The following IRF2 variants were observed in gnomAD, a reference collection of about 807,000 sequenced individuals.
IRF2 encodes the protein interferon regulatory factor 2.
In IRF2, 15 loss-of-function variants were observed where a neutral mutation model predicts 40.6. That is an observed-to-expected ratio of 0.37 (90% CI 0.25 to 0.57). The LOEUF is 0.57. Ranked by LOEUF, IRF2 falls within the 20% of genes least tolerant of loss-of-function variation. IRF2 has a pLI of 0.77. For synonymous variants in IRF2, 151 were observed against 165.5 expected, an observed-to-expected ratio of 0.91 and a Z score of 0.67; for missense variants, 317 against 455.7, an observed-to-expected ratio of 0.70 and a Z score of 2.77.
At position 184,387,736 on chromosome 4, in the gene IRF2, A is replaced by G. The variant is rs1247871820; in HGVS notation, c.*1022T>C. 4 of 152,548 alleles carry G rather than the reference A, an allele frequency of 2.6e-5. No individual in the cohort carries two copies. Among genetic ancestry groups the G allele is most frequent in the Non-Finnish European group, 5.9e-5 (4 of 68,028 alleles). The allele number at this position is 152,548 out of a possible 1,614,324, so 9.4% of individuals were successfully genotyped here. Reference sequence around the variant, plus strand: ...AGTGATGCCCCTTAAAAATTTAACTATATATCATATTCATTTATTATCAAT... The same window carrying G: ...AGTGATGCCCCTTAAAAATTTAACTGTATATCATATTCATTTATTATCAAT... On this transcript the variant is annotated 3_prime_UTR_variant, in exon 9 of 9. Transcript: ENST00000393593.
At chr4:184,429,161 T>G in intron 1 of IRF2, 91 bp from the exon 2 acceptor site, 2 of 792,348 alleles carry the variant, frequency 2.5e-6, no homozygotes, top group Middle Eastern at 3.2e-4. Context: ...ACTCTTTCCT[T>G]CTCTCCTTTC....
Position 184,416,784 on chromosome 4 carries a change from G to A in IRF2, c.411+1383C>T, listed in dbSNP as rs185777442. 2.1e-3 allele frequency among the ~76,000 whole-genome samples: 323 copies of A among 152,278 alleles called. 3 individuals are homozygous for A. The highest frequency in any genetic ancestry group is 7.3e-3 in the African/African-American group (305 of 41,572). The stretch of plus-strand genomic sequence containing the variant: ...TTTGGGGCCGAGTGCCGTGGCTCAC[G>A]CCTGTATTCCCAGCACTTTGGGAGA... On this transcript the variant is annotated intron_variant, in intron 5 of 8. Transcript: ENST00000393593.
At chr4:184,464,001 G>A (rs906480900) in intron 1 of IRF2, among the ~76,000 whole-genome samples, 23 of 152,130 alleles carry the variant, frequency 1.5e-4, no homozygotes, top group African/African-American at 5.6e-4. Flanking sequence ...AAATGTATAG[G>A]ACACGAAGAT....
At chr4:184,471,637 G>C (rs1353557480) in intron 1 of IRF2, among the ~76,000 whole-genome samples, 2 of 152,204 alleles carry the variant, frequency 1.3e-5, no homozygotes, top group Non-Finnish European at 2.9e-5. Flanking sequence ...GGTAACATGA[G>C]AAAATTGATG....
chr4:184,453,313 G>A lies in IRF2; in HGVS notation c.-7+21066C>T, dbSNP rs182875033. On this transcript the variant is annotated intron_variant, in intron 1 of 8. Transcript: ENST00000393593. ...TTGAAACTCATGCTGGGACCCTTAGGTGTGTTTGGCCCTGGGTCGCAGCAT... is the reference window on the plus strand; with the variant it reads ...TTGAAACTCATGCTGGGACCCTTAGATGTGTTTGGCCCTGGGTCGCAGCAT... Among the ~76,000 whole-genome samples, 95 of 152,292 alleles carry A rather than the reference G, an allele frequency of 6.2e-4. 1 individual carries two copies. The Middle Eastern group carries it at 0.01, about 16-fold the overall frequency.
intron 5 of IRF2, among the ~76,000 whole-genome samples, chr4:184,410,587 C>G (rs1025637300): frequency 2.0e-5 from 3 of 152,204 alleles, no homozygotes; most frequent in African/African-American, 7.2e-5. Context: ...CACTAGTCCA[C>G]CTCCATCTCT....
Position 184,413,864 on chromosome 4 carries a change from C to G in IRF2, c.411+4303G>C, listed in dbSNP as rs1214127105. Among the ~76,000 whole-genome samples, 2 of 152,226 alleles carry G rather than the reference C, an allele frequency of 1.3e-5. No individual in the cohort carries two copies. The highest frequency in any genetic ancestry group is 2.4e-5 in the African/African-American group (1 of 41,462). On this transcript the variant is annotated intron_variant, in intron 5 of 8. Transcript: ENST00000393593. This position sits in a 1 kb window ranked among gnomAD's most constrained non-coding sequence, Gnocchi z 4.2. ...TTGCCCTCTCACACAAACTCCTGCT[C>G]TAATTAAGCCAGTTTCCTGTCTCAT...
chr4:184,466,718 T>A (rs1204720770), intron 1 of IRF2, among the ~76,000 whole-genome samples: 1 of 152,168 alleles, frequency 6.6e-6, no homozygotes, highest in Non-Finnish European at 1.5e-5. Context: ...CACTTATACA[T>A]TCTGAGAAAT....
chr4:184,429,080 G>A lies in IRF2; in HGVS notation c.-6-10C>T, dbSNP rs1355677486. On this transcript the variant is annotated splice_polypyrimidine_tract_variant and intron_variant, in intron 1 of 8. Coordinates refer to ENST00000393593, the MANE Select transcript of IRF2 (RefSeq NM_002199.4). ...CCACCGGCATGGTGCCCTTGAGGGA[G>A]AGAAACACAGCGTCAGGCGTTGGTG... The A allele has an allele frequency of 6.2e-7, 1 of 1,609,960 alleles. No homozygotes were observed. The highest frequency in any genetic ancestry group is 2.2e-5 in the East Asian group (1 of 44,786).
In IRF2 at chr4:184,458,348, A is replaced by C. The variant is rs116445680; in HGVS notation, c.-7+16031T>G. On this transcript the variant is annotated intron_variant, in intron 1 of 8. Coordinates refer to ENST00000393593, the MANE Select transcript of IRF2 (RefSeq NM_002199.4). ...ATTTACCTGCTTGTCTCTCTAACCA[A>C]ATGATAAGCTCTTTGAGAGCATGGA... is the stretch of plus-strand genomic sequence containing the variant. 6.2e-3 allele frequency among the ~76,000 whole-genome samples: 941 copies of C among 152,262 alleles called. 10 individuals are homozygous for C. The highest frequency in any genetic ancestry group is 0.022 in the African/African-American group (906 of 41,534).
intron 2 of IRF2, among the ~76,000 whole-genome samples, chr4:184,425,003 A>G (rs1161482602): frequency 6.6e-6 from 1 of 152,240 alleles, no homozygotes; most frequent in African/African-American, 2.4e-5. Flanking sequence ...ACCAGGCACT[A>G]GGCCTGGCCC....
chr4:184,428,951 C>G, intron 2 of IRF2, 27 bp downstream of exon 2: 1 of 1,589,476 alleles, frequency 6.3e-7, no homozygotes, highest in Non-Finnish European at 8.6e-7. Flanking sequence ...ACCTCTCTCA[C>G]ACATACACCC....
chr4:184,418,358 T>C, intron 4 of IRF2, 145 bp from the exon 5 acceptor site: 1 of 945,282 alleles, frequency 1.1e-6, no homozygotes, highest in Non-Finnish European at 1.7e-6. Flanking sequence ...TATCTTTCAC[T>C]GCCTCTGGTG....
rs1266833223 is a variant in IRF2, at chr4:184,419,381, G to A, written c.187+88C>T. On this transcript the variant is annotated intron_variant, in intron 3 of 8. Transcript: ENST00000393593. ...AGGTTTTTCAGAGCCATCTTCATGA[G>A]GTCATAAGCCAGGCTATTTTATGTG... The A allele has an allele frequency of 3.4e-6, 3 of 889,836 alleles. No homozygotes were observed. In the African/African-American group the frequency reaches 5.0e-5, roughly 15 times the overall value. 55.1% of individuals were successfully genotyped at this position (889,836 alleles called of 1,614,324 possible). A position where few individuals can be genotyped will look rare whatever the true frequency, so the allele number is the denominator to read the frequency against.
rs79793603 is a variant in IRF2 at position 184,394,815 on chromosome 4, G to A, written c.695-4066C>T. ...ATCAGGCAAGGGGTCACTTTGTAATGCACCTTTAAACATGACATGTCTCTC... is the reference window on the plus strand; with the variant it reads ...ATCAGGCAAGGGGTCACTTTGTAATACACCTTTAAACATGACATGTCTCTC... On this transcript the variant is annotated intron_variant, in intron 7 of 8. Coordinates refer to ENST00000393593, the MANE Select transcript of IRF2 (RefSeq NM_002199.4). 6.7e-3 allele frequency among the ~76,000 whole-genome samples: 1,016 copies of A among 152,206 alleles called. 12 individuals carry two copies. Among genetic ancestry groups the A allele is most frequent in the African/African-American group, 0.023 (969 of 41,532 alleles).
chr4:184,394,493 C>G (rs1281987855), intron 7 of IRF2, among the ~76,000 whole-genome samples: 1 of 152,096 alleles, frequency 6.6e-6, no homozygotes, highest in Non-Finnish European at 1.5e-5. Context: ...TTACTTTCAC[C>G]AGGAGTAAAT....
chr4:184,406,048 G>A (rs1736841656), intron 6 of IRF2, among the ~76,000 whole-genome samples: 3 of 152,228 alleles, frequency 2.0e-5, no homozygotes, highest in South Asian at 2.1e-4. Flanking sequence ...CTCATATGGA[G>A]TTTCATCTTG....
chr4:184,453,734 G>T (rs1477551090), intron 1 of IRF2, among the ~76,000 whole-genome samples: 3 of 152,236 alleles, frequency 2.0e-5, no homozygotes, highest in Admixed American at 2.0e-4. Flanking sequence ...GAGCCATGCT[G>T]GCTTGAGGAG....
intron 1 of IRF2, among the ~76,000 whole-genome samples, chr4:184,444,947 G>A (rs552691685): frequency 7.6e-4 from 116 of 152,324 alleles, no homozygotes; most frequent in African/African-American, 2.6e-3. Context: ...AAAAGTCGGG[G>A]AGCAGGTGGT....
Sources: gnomAD v4.1 joint callset for allele counts (sites outside exome capture counted in the v4.1 genomes callset) on GRCh38, gnomAD v4.1.1 for gene constraint, Gnocchi (gnomAD v3.1) non-coding constraint, MANE v1.5 for transcripts, NCBI Gene and HGNC (gene_info 2026-07-23, HGNC 2026-07-21) for gene names.